Variants in PGAP1 observed in about 807,000 individuals in gnomAD.
PGAP1 encodes the protein GPI inositol-deacylase.
A neutral mutation model predicts 127.0 loss-of-function variants in PGAP1; 76 were observed. That is an observed-to-expected ratio of 0.60 (90% CI 0.50 to 0.72). PGAP1 has a LOEUF of 0.72. PGAP1 is among the 30% of genes least tolerant of loss of function. The pLI is 0.00. For synonymous variants in PGAP1, 362 were observed against 366.5 expected (o/e 0.99, Z 0.14); for missense variants, 982 against 1,071.3 (o/e 0.92, Z 1.16).
Position 196,843,929 on chromosome 2 carries a change from TA to T in PGAP1, c.2483del (p.Leu828TyrfsTer7). 1 of 1,578,322 alleles carries T rather than the reference TA, an allele frequency of 6.3e-7. No individual in the cohort carries two copies. Among genetic ancestry groups the T allele is most frequent in the South Asian group, 1.2e-5 (1 of 84,914 alleles). ...AATAAATTAGAGAAGGCATGCTGAG[TA>T]ATACAATCCATGTTAGTAAGTTAAT... The part of the protein sequence containing the change: ...TVINLLTWIV[L>X]LSMPSLIYWL... On this transcript the variant is annotated frameshift_variant, in exon 25 of 27. Transcript: ENST00000354764. LOFTEE classifies it high-confidence loss of function.
At chr2:196,892,869 C>T (rs1028430524) in intron 8 of PGAP1, among the ~76,000 whole-genome samples, 2 of 152,018 alleles carry the variant, frequency 1.3e-5, no homozygotes, top group African/African-American at 2.4e-5. Context: ...GTTAGGAGAA[C>T]AGTCATTTAA....
At chr2:196,843,820 G>GC in intron 25 of PGAP1, 68 bp downstream of exon 25, 2 of 1,010,176 alleles carry the variant, frequency 2.0e-6, no homozygotes, top group Non-Finnish European at 2.7e-6. Flanking sequence ...TAGGAATCTA[G>GC]CAAGTCTCTA....
chr2:196,889,652 C>G (rs938033410), intron 10 of PGAP1, among the ~76,000 whole-genome samples: 9 of 150,976 alleles, frequency 6.0e-5, no homozygotes, highest in Non-Finnish European at 7.4e-5. Flanking sequence ...GTCAGGAGAT[C>G]GAGACCATCC....
Position 196,875,834 on chromosome 2 carries a change from A to G in PGAP1, c.1351-13T>C. The stretch of plus-strand genomic sequence containing the variant: ...AATCTACAACAAACTGAAATATAAA[A>G]CATTGATTTATTAGAAAAAGTAAGT... On this transcript the variant is annotated splice_polypyrimidine_tract_variant and intron_variant, in intron 13 of 26. Transcript: ENST00000354764. 1 of 1,273,794 alleles carries G rather than the reference A, an allele frequency of 7.9e-7. No homozygotes were observed. The highest frequency in any genetic ancestry group is 1.9e-5 in the Admixed American group (1 of 52,870). The allele number at this position is 1,273,794 out of a possible 1,614,324, so 78.9% of individuals were successfully genotyped here. A position where few individuals can be genotyped will look rare whatever the true frequency, so the allele number is the denominator to read the frequency against.
At chr2:196,844,473 C>A in intron 24 of PGAP1, 51 bp downstream of exon 24, 2 of 1,315,834 alleles carry the variant, frequency 1.5e-6, no homozygotes, top group Non-Finnish European at 2.1e-6. Flanking sequence ...CTTATATTTC[C>A]CCATGTTCTT....
chr2:196,894,172 A>G (rs1016378461), intron 7 of PGAP1, among the ~76,000 whole-genome samples: 3 of 152,236 alleles, frequency 2.0e-5, no homozygotes, highest in Admixed American at 6.5e-5. Context: ...CAAAAATTAG[A>G]AACTTGCTAT....
intron 10 of PGAP1, among the ~76,000 whole-genome samples, chr2:196,887,411 C>T (rs929732360): frequency 6.6e-6 from 1 of 151,966 alleles, no homozygotes; most frequent in African/African-American, 2.4e-5. Flanking sequence ...AAAACAAAAA[C>T]AAACAAACAA....
rs1208235184 is a variant in PGAP1 at position 196,916,463 on chromosome 2, GGTCT to G, written c.428_431del (p.Gln143ProfsTer27). ...TTTTAATACATTCATGTACAAACTTGGTCTGCTTCTGAAGACTTCCACCATACAA... is the reference window on the plus strand; with the variant it reads ...TTTTAATACATTCATGTACAAACTTGGCTTCTGAAGACTTCCACCATACAA... On this transcript the variant is annotated frameshift_variant, in exon 3 of 27. Transcript: ENST00000354764. LOFTEE classifies it high-confidence loss of function. 1 of 1,612,900 alleles carries G rather than the reference GGTCT, an allele frequency of 6.2e-7. No homozygotes were observed. The highest frequency in any genetic ancestry group is 8.5e-7 in the Non-Finnish European group (1 of 1,179,566).
intron 4 of PGAP1, among the ~76,000 whole-genome samples, chr2:196,905,532 G>A (rs1426355134): frequency 6.6e-6 from 1 of 152,102 alleles, no homozygotes; most frequent in Non-Finnish European, 1.5e-5. Flanking sequence ...GAGTCACTGG[G>A]GAATATTTCT....
intron 12 of PGAP1, 124 bp downstream of exon 12, chr2:196,885,300 T>C (rs1454791650): frequency 3.4e-6 from 2 of 583,976 alleles, no homozygotes; most frequent in Non-Finnish European, 6.0e-6. Flanking sequence ...TTTTTAAATG[T>C]AGGTTAGTAA....
chr2:196,898,488 C>A (rs1702362559), intron 5 of PGAP1, 119 bp from the exon 6 acceptor site: 1 of 587,430 alleles, frequency 1.7e-6, no homozygotes. Flanking sequence ...TATTGTGAGG[C>A]CTAGACATTT....
At chr2:196,845,803 T>G in intron 23 of PGAP1, 79 bp downstream of exon 23, 3 of 1,268,338 alleles carry the variant, frequency 2.4e-6, no homozygotes, top group Non-Finnish European at 3.2e-6. Context: ...GAATTTTTGT[T>G]AACAATGCCT....
intron 19 of PGAP1, among the ~76,000 whole-genome samples, chr2:196,868,443 C>A (rs1259432319): frequency 6.6e-6 from 1 of 152,108 alleles, no homozygotes; most frequent in Admixed American, 6.5e-5. Context: ...CATAAACTGG[C>A]CTCCCTGTCT....
intron 2 of PGAP1, among the ~76,000 whole-genome samples, chr2:196,919,089 A>G (rs941203800): frequency 6.6e-6 from 1 of 152,018 alleles, no homozygotes; most frequent in Non-Finnish European, 1.5e-5. Flanking sequence ...CTCAAATGTC[A>G]TCTCCTCACA....
At chr2:196,865,613 G>T (rs1227811823) in intron 19 of PGAP1, among the ~76,000 whole-genome samples, 1 of 152,012 alleles carries the variant, frequency 6.6e-6, no homozygotes, top group Non-Finnish European at 1.5e-5. Context: ...TTTGTGTAAG[G>T]CATTCAGAAT....
rs1559330148 is a variant in PGAP1, at chr2:196,847,077, A to G, written c.2076T>C (p.Cys692=). Reference sequence around the variant, plus strand: ...ACAGTAGGCCACTCCAGTAGGCAGTACACGTTCCAAACAGAAAGAGAATCA... The same window carrying G: ...ACAGTAGGCCACTCCAGTAGGCAGTGCACGTTCCAAACAGAAAGAGAATCA... ...ISLILFLFGT[C]TAYWSGLLSS... is the part of the protein sequence containing the mutation. Residue 692 remains cysteine, a synonymous_variant, in exon 22 of 27, where the codon TGT becomes TGC. Transcript: ENST00000354764. The G allele has an allele frequency of 1.2e-6, 2 of 1,613,722 alleles. No individual in the cohort carries two copies. Among genetic ancestry groups the G allele is most frequent in the Non-Finnish European group, 1.7e-6 (2 of 1,179,824 alleles).
chr2:196,873,981 C>T, intron 14 of PGAP1: 1 of 405,572 alleles, frequency 2.5e-6, no homozygotes, highest in Non-Finnish European at 4.4e-6. Flanking sequence ...TTAAAAAAGT[C>T]AGGTATATAA....
intron 3 of PGAP1, 77 bp downstream of exon 3, chr2:196,916,341 T>A: frequency 1.5e-6 from 2 of 1,295,626 alleles, no homozygotes; most frequent in Non-Finnish European, 2.0e-6. Flanking sequence ...AATACATGAT[T>A]TAAAGTATAC....
chr2:196,915,028 G>A (rs780651951), intron 3 of PGAP1, among the ~76,000 whole-genome samples: 1 of 151,964 alleles, frequency 6.6e-6, no homozygotes, highest in African/African-American at 2.4e-5. Flanking sequence ...ATGTTGCCTA[G>A]GCTACAATGG....
Sources: gnomAD v4.1 joint callset for allele counts (sites outside exome capture counted in the v4.1 genomes callset) on GRCh38, gnomAD v4.1.1 for gene constraint, MANE v1.5 for transcripts, NCBI Gene and HGNC (gene_info 2026-07-23, HGNC 2026-07-21) for gene names.